STX7: variants seen among roughly 807,000 people sequenced by gnomAD.
STX7 encodes the protein syntaxin 7.
A neutral mutation model predicts 39.6 loss-of-function variants in STX7; 34 were observed. The observed-to-expected ratio is 0.86, with a 90% confidence interval of 0.65 to 1.14. STX7 has a LOEUF of 1.14. Among genes scored for constraint, STX7 ranks in the 50% most tolerant of loss-of-function variants. STX7 has a pLI of 0.00. For synonymous variants in STX7, 119 were observed against 99.1 expected (o/e 1.20, Z -1.19); for missense variants, 284 against 310.4 (o/e 0.92, Z 0.64).
At position 132,460,812 on chromosome 6, in the gene STX7, G is replaced by C. The variant is rs1390827242; in HGVS notation, c.732C>G (p.Ile244Met). 5 of 1,613,392 alleles carry C rather than the reference G, an allele frequency of 3.1e-6. No homozygotes were observed. The highest frequency in any genetic ancestry group is 4.2e-6 in the Non-Finnish European group (5 of 1,179,784). Residue 244 changes from isoleucine to methionine, a missense_variant, in exon 10 of 10, where the codon ATC (isoleucine) becomes ATG (methionine). Physicochemically the swap from Ile to Met is conservative, Grantham distance 10. Coordinates refer to ENST00000367941, the MANE Select transcript of STX7 (RefSeq NM_003569.3). ...SRKTLCIIIL[I>M]LVIGVAIISL... The stretch of plus-strand genomic sequence containing the variant: ...TGATAATCGCAACTCCAATGACAAG[G>C]ATAAGAATGATGATGCACAGGGTTT...
rs1170326232 is a variant in STX7, at chr6:132,453,615, A to G, written c.*7143T>C. On this transcript the variant is annotated 3_prime_UTR_variant, in exon 10 of 10. Coordinates refer to ENST00000367941, the MANE Select transcript of STX7 (RefSeq NM_003569.3). ...GAAAAAAAATCCAATTAGAAAAGAC[A>G]TGAAGAAACATGTCACTAAAGAAGA... The G allele has an allele frequency of 2.6e-5, 4 of 152,036 alleles. No homozygotes were observed. The highest frequency in any genetic ancestry group is 9.7e-5 in the African/African-American group (4 of 41,422). The allele number at this position is 152,036 out of a possible 1,614,324, so 9.4% of individuals were successfully genotyped here.
At chr6:132,479,663 A>C (rs1435984932) in intron 2 of STX7, among the ~76,000 whole-genome samples, 1 of 152,164 alleles carries the variant, frequency 6.6e-6, no homozygotes, top group African/African-American at 2.4e-5. Flanking sequence ...CCACATATAG[A>C]CTCAACAATA....
intron 2 of STX7, among the ~76,000 whole-genome samples, chr6:132,489,054 T>C (rs555704280): frequency 3.9e-5 from 6 of 152,050 alleles, no homozygotes; most frequent in African/African-American, 1.2e-4. Context: ...ATACAAAAAT[T>C]AGCCAAGTAT....
At chr6:132,463,812 C>T (rs1774484187) in intron 9 of STX7, among the ~76,000 whole-genome samples, 181 bp downstream of exon 9, 1 of 152,180 alleles carries the variant, frequency 6.6e-6, no homozygotes, top group African/African-American at 2.4e-5. Flanking sequence ...GAGAAGAACA[C>T]AGGCTAAAAA....
intron 9 of STX7, among the ~76,000 whole-genome samples, chr6:132,463,730 G>C (rs12210721): frequency 0.099 from 15,085 of 152,192 alleles, 874 homozygotes; most frequent in East Asian, 0.16. Context: ...CCATCAGAAA[G>C]CCTAGAATTG....
intron 1 of STX7, 46 bp from the exon 2 acceptor site, chr6:132,503,634 C>A (rs1002470875): frequency 2.5e-6 from 2 of 804,000 alleles, no homozygotes; most frequent in African/African-American, 1.7e-5. Flanking sequence ...AAGTTACTGG[C>A]TTACATTTTC....
At chr6:132,475,760 G>A in intron 2 of STX7, 98 bp from the exon 3 acceptor site, 1 of 583,108 alleles carries the variant, frequency 1.7e-6, no homozygotes, top group Non-Finnish European at 2.7e-6. Flanking sequence ...CAGTTGAAAA[G>A]AGACAGAAAA....
chr6:132,451,932 T>C lies in STX7; in HGVS notation c.*8826A>G, dbSNP rs995332153. 56 of 152,304 alleles carry C rather than the reference T, an allele frequency of 3.7e-4. No individual in the cohort carries two copies. The highest frequency in any genetic ancestry group is 1.3e-3 in the African/African-American group (55 of 41,576). The allele number at this position is 152,304 out of a possible 1,614,324, so 9.4% of individuals were successfully genotyped here. A position where few individuals can be genotyped will look rare whatever the true frequency, so the allele number is the denominator to read the frequency against. On this transcript the variant is annotated 3_prime_UTR_variant, in exon 10 of 10. Coordinates refer to ENST00000367941, the MANE Select transcript of STX7 (RefSeq NM_003569.3). ...AATACTTTCCAGTTCATTTTGAAGC[T>C]AGTATTACCCTGATACCACCAACCA...
chr6:132,470,697 A>G, intron 5 of STX7, 71 bp from the exon 6 acceptor site: 1 of 1,066,588 alleles, frequency 9.4e-7, no homozygotes, highest in Non-Finnish European at 1.4e-6. Flanking sequence ...ATAAACACTC[A>G]TATTTTCCCT....
rs1030603695 is a variant in STX7, at chr6:132,446,633, C to T, written c.*14125G>A. 1 of 152,090 alleles carries T rather than the reference C, an allele frequency of 6.6e-6. No individual in the cohort carries two copies. The highest frequency in any genetic ancestry group is 1.5e-5 in the Non-Finnish European group (1 of 68,014). 9.4% of individuals were successfully genotyped at this position (152,090 alleles called of 1,614,324 possible). On this transcript the variant is annotated 3_prime_UTR_variant, in exon 10 of 10. Coordinates refer to ENST00000367941, the MANE Select transcript of STX7 (RefSeq NM_003569.3). ...TTACTAAATGAATGAATGACTCTAC[C>T]CAAGCTTGTGTCTTTGTCTCGAAGC...
At chr6:132,492,184 C>T (rs1473086364) in intron 2 of STX7, among the ~76,000 whole-genome samples, 2 of 152,096 alleles carry the variant, frequency 1.3e-5, no homozygotes, top group South Asian at 2.1e-4. Context: ...CATGGACATG[C>T]TATTTCCCCA....
rs773567272 is a variant in STX7, at chr6:132,458,603, C to T, written c.*2155G>A. The T allele has an allele frequency of 7.9e-5, 12 of 152,142 alleles. No homozygotes were observed. Among genetic ancestry groups the T allele is most frequent in the Non-Finnish European group, 1.5e-4 (10 of 68,034 alleles). 9.4% of individuals were successfully genotyped at this position (152,142 alleles called of 1,614,324 possible). ...TGAAAACAACTCTAATTTTAATCTC[C>T]ACAGGGCAACCTTCACTTTTCACAG... is the stretch of plus-strand genomic sequence containing the variant. On this transcript the variant is annotated 3_prime_UTR_variant, in exon 10 of 10. Transcript: ENST00000367941.
chr6:132,510,442 A>G (rs772036363), intron 1 of STX7, among the ~76,000 whole-genome samples: 12 of 152,272 alleles, frequency 7.9e-5, no homozygotes, highest in Non-Finnish European at 1.6e-4. Context: ...AACTGATTGC[A>G]GTAAGAAACT....
At chr6:132,469,763 T>C (rs1050657487) in intron 7 of STX7, among the ~76,000 whole-genome samples, 188 bp downstream of exon 7, 5 of 152,144 alleles carry the variant, frequency 3.3e-5, no homozygotes, top group African/African-American at 1.2e-4. Flanking sequence ...CGCTTGAAGC[T>C]GGGAGGCGGA....
chr6:132,479,890 C>T (rs1402554709), intron 2 of STX7, among the ~76,000 whole-genome samples: 1 of 152,188 alleles, frequency 6.6e-6, no homozygotes, highest in Non-Finnish European at 1.5e-5. Context: ...TCTTTACAAA[C>T]ACTTTCAATA....
At chr6:132,464,802 C>G (rs188241608) in intron 8 of STX7, among the ~76,000 whole-genome samples, 1 of 152,182 alleles carries the variant, frequency 6.6e-6, no homozygotes, top group South Asian at 2.1e-4. Context: ...CAACATACTT[C>G]TGTGCTAAAA....
chr6:132,503,696 G>T, intron 1 of STX7, 108 bp from the exon 2 acceptor site: 2 of 415,046 alleles, frequency 4.8e-6, no homozygotes, highest in Non-Finnish European at 4.3e-6. Context: ...ATCTAATAGA[G>T]TTGAAATCTG....
At chr6:132,495,516 C>T (rs1775401496) in intron 2 of STX7, among the ~76,000 whole-genome samples, 1 of 152,106 alleles carries the variant, frequency 6.6e-6, no homozygotes, top group South Asian at 2.1e-4. Flanking sequence ...AACTGCCTTC[C>T]CATCCCACCA....
intron 2 of STX7, among the ~76,000 whole-genome samples, chr6:132,485,679 T>C (rs1775116073): frequency 6.6e-6 from 1 of 152,238 alleles, no homozygotes; most frequent in African/African-American, 2.4e-5. Context: ...GCACTTGGTA[T>C]GCTCCGTCTT....
Sources: allele counts gnomAD v4.1 joint callset (sites outside exome capture counted in the v4.1 genomes callset), GRCh38; gene constraint gnomAD v4.1.1; transcripts MANE v1.5; gene names NCBI Gene and HGNC (gene_info 2026-07-23, HGNC 2026-07-21).